The following CTIF variants were observed in gnomAD, a reference collection of about 807,000 sequenced individuals.
The protein encoded by CTIF is cap binding complex dependent translation initiation factor.
A neutral mutation model predicts 66.0 loss-of-function variants in CTIF; 21 were observed. The observed-to-expected ratio is 0.32, with a 90% CI of 0.23 to 0.46. CTIF has a LOEUF of 0.46. Among genes scored for constraint, CTIF ranks in the 20% least tolerant of loss-of-function variants. CTIF has a pLI of 1.00. For missense variants in CTIF, 739 were observed against 812.7 expected (o/e 0.91, Z 1.10); for synonymous variants, 345 against 326.4 (o/e 1.06, Z -0.62).
At chr18:48,839,117 C>G (rs2068879050) in intron 10 of CTIF, among the ~76,000 whole-genome samples, 1 of 152,206 alleles carries the variant, frequency 6.6e-6, no homozygotes, top group Non-Finnish European at 1.5e-5. Context: ...CTGGCCACCA[C>G]TTTTCTGCCT....
intron 9 of CTIF, among the ~76,000 whole-genome samples, chr18:48,792,427 G>A (rs777618850): frequency 5.3e-5 from 8 of 152,206 alleles, no homozygotes; most frequent in Non-Finnish European, 1.2e-4. Flanking sequence ...GGAAGGCAAG[G>A]TCTGACCTGA....
chr18:48,841,006 A>G (rs1484774144), intron 10 of CTIF, among the ~76,000 whole-genome samples: 1 of 152,044 alleles, frequency 6.6e-6, no homozygotes, highest in Non-Finnish European at 1.5e-5. Flanking sequence ...TTTCTTCAAA[A>G]TTCCGTGCTT....
intron 3 of CTIF, among the ~76,000 whole-genome samples, chr18:48,645,187 C>T (rs1023224470): frequency 7.0e-6 from 1 of 143,594 alleles, no homozygotes; most frequent in Non-Finnish European, 1.5e-5. Flanking sequence ...CTAGGGTGCC[C>T]AGAACCTGAG....
At chr18:48,832,063 A>G (rs957943533) in intron 10 of CTIF, among the ~76,000 whole-genome samples, 1 of 152,100 alleles carries the variant, frequency 6.6e-6, no homozygotes, top group Non-Finnish European at 1.5e-5. Context: ...TCATAGCACC[A>G]GGCAGCAAAG....
chr18:48,781,198 C>T (rs2146051912), intron 9 of CTIF, among the ~76,000 whole-genome samples: 1 of 152,348 alleles, frequency 6.6e-6, no homozygotes, highest in South Asian at 2.1e-4. Context: ...GGCCCCAGCG[C>T]CAGCCCCTGT....
chr18:48,575,161 G>A (rs777259296), intron 1 of CTIF, among the ~76,000 whole-genome samples: 1 of 152,218 alleles, frequency 6.6e-6, no homozygotes, highest in Non-Finnish European at 1.5e-5. Context: ...GCCGCCGTCA[G>A]GTCAGCACGT....
At chr18:48,729,692 C>CT (rs2092419835) in intron 7 of CTIF, among the ~76,000 whole-genome samples, 1 of 152,188 alleles carries the variant, frequency 6.6e-6, no homozygotes, top group Non-Finnish European at 1.5e-5. Context: ...ACACGTGCTC[C>CT]TTTTTCACCC....
chr18:48,836,629 C>A (rs1337180298), intron 10 of CTIF, among the ~76,000 whole-genome samples: 1 of 152,238 alleles, frequency 6.6e-6, no homozygotes, highest in Non-Finnish European at 1.5e-5. Flanking sequence ...CCTAGAGGGG[C>A]AAGGAAGCAG....
At chr18:48,689,437 G>T (rs8087036) in intron 6 of CTIF, among the ~76,000 whole-genome samples, 56,768 of 152,076 alleles carry the variant, frequency 0.37, 13,237 homozygotes, top group African/African-American at 0.67. Flanking sequence ...TTGAATTGAA[G>T]GCTTGGGTCA....
rs1238095058 is a variant in CTIF, at chr18:48,580,648, G to A, written c.-28-38890G>A. Among the ~76,000 whole-genome samples the A allele has an allele frequency of 4.6e-5, 7 of 152,130 alleles. No individual in the cohort carries two copies. The South Asian group carries it at 8.3e-4, about 18-fold the overall frequency. ...GGTTTTTGACTGTGGACCACCGTTCGGGACCCTCTCTGACTGGGACTGTCA... is the reference window on the plus strand; with the variant it reads ...GGTTTTTGACTGTGGACCACCGTTCAGGACCCTCTCTGACTGGGACTGTCA... On this transcript the variant is annotated intron_variant, in intron 1 of 11. Transcript: ENST00000256413.
intron 1 of CTIF, among the ~76,000 whole-genome samples, chr18:48,576,797 A>G (rs1413426614): frequency 6.6e-6 from 1 of 152,128 alleles, no homozygotes; most frequent in Admixed American, 6.5e-5. Flanking sequence ...GTAATTCCCT[A>G]TTCTCCTCCA....
chr18:48,812,376 A>G lies in CTIF; in HGVS notation c.1372-4845A>G, dbSNP rs2068275920. Among the ~76,000 whole-genome samples, 3 of 152,326 alleles carry G rather than the reference A, an allele frequency of 2.0e-5. No individual in the cohort carries two copies. In the South Asian group the frequency reaches 6.2e-4, roughly 32 times the overall value. On this transcript the variant is annotated intron_variant, in intron 9 of 11. Coordinates refer to ENST00000256413, the MANE Select transcript of CTIF (RefSeq NM_014772.3). ...AGATCTTTCTCTCGCTTTCACTCAT[A>G]GGCAGGTTTGTTCTTTTCCCTTCAA...
chr18:48,785,320 A>C (rs979166277), intron 9 of CTIF, among the ~76,000 whole-genome samples: 2 of 152,216 alleles, frequency 1.3e-5, no homozygotes, highest in African/African-American at 4.8e-5. Context: ...AAAATTAGAA[A>C]AATAATTTGC....
chr18:48,540,856 GC>G (rs2088596454), intron 1 of CTIF, among the ~76,000 whole-genome samples: 1 of 152,096 alleles, frequency 6.6e-6, no homozygotes, highest in African/African-American at 2.4e-5. Flanking sequence ...GCGCGCGCGC[GC>G]CCGAGTTACT....
chr18:48,715,329 CTTGT>C (rs1054727149), intron 7 of CTIF, among the ~76,000 whole-genome samples: 2 of 152,082 alleles, frequency 1.3e-5, no homozygotes, highest in African/African-American at 4.8e-5. Flanking sequence ...CTAGTAACCA[CTTGT>C]TTGTTTTTGG....
rs55711915 is a variant in CTIF, at chr18:48,751,383, C to T, written c.585-6536C>T. 1.0e-2 allele frequency among the ~76,000 whole-genome samples: 1,518 copies of T among 152,286 alleles called. 8 individuals carry two copies. Among genetic ancestry groups the T allele is most frequent in the Non-Finnish European group, 0.016 (1,079 of 68,026 alleles). The stretch of plus-strand genomic sequence containing the variant: ...GCTTCCTTTCCTTCGTGATTCTTGT[C>T]CTGGGATAAAGCTAGAGACCTGTTT... On this transcript the variant is annotated intron_variant, in intron 7 of 11. Transcript: ENST00000256413.
At chr18:48,801,504 T>C (rs930687769) in intron 9 of CTIF, among the ~76,000 whole-genome samples, 4 of 152,244 alleles carry the variant, frequency 2.6e-5, no homozygotes, top group African/African-American at 9.6e-5. Context: ...AATGTTAACA[T>C]GACTTTTAAA....
At chr18:48,700,037 T>C (rs2092061715) in intron 6 of CTIF, among the ~76,000 whole-genome samples, 1 of 152,202 alleles carries the variant, frequency 6.6e-6, no homozygotes, top group African/African-American at 2.4e-5. Flanking sequence ...TCCATGCTGA[T>C]ATGGCTTGGC....
intron 1 of CTIF, among the ~76,000 whole-genome samples, chr18:48,592,593 G>A (rs1461041943): frequency 6.6e-6 from 1 of 152,206 alleles, no homozygotes; most frequent in East Asian, 1.9e-4. Context: ...TTGGCCTCAT[G>A]GGAGAAGCTG....
Sources: allele counts gnomAD v4.1 joint callset (sites outside exome capture counted in the v4.1 genomes callset), GRCh38; gene constraint gnomAD v4.1.1; transcripts MANE v1.5; gene names NCBI Gene and HGNC (gene_info 2026-07-23, HGNC 2026-07-21).